The following USH2A variants were observed in gnomAD, a reference collection of about 807,000 sequenced individuals.
USH2A encodes Usher syndrome 2A (autosomal recessive, mild).
A neutral mutation model predicts 538.9 loss-of-function variants in USH2A; 443 were observed. That is an observed-to-expected ratio of 0.82 (90% CI 0.76 to 0.89). USH2A has a LOEUF of 0.89. USH2A is among the 40% of genes least tolerant of loss of function. The pLI is 0.00. For synonymous variants in USH2A, 2,413 were observed against 2,273.5 expected, an observed-to-expected ratio of 1.06 and a Z score of -1.75; for missense variants, 6,633 against 6,324.8, an observed-to-expected ratio of 1.05 and a Z score of -1.65.
At chr1:216,186,613 T>C (rs1487984270) in intron 20 of USH2A, among the ~76,000 whole-genome samples, 1 of 151,950 alleles carries the variant, frequency 6.6e-6, no homozygotes, top group African/African-American at 2.4e-5. Flanking sequence ...CCTATAGCAT[T>C]AGCTCCCATC....
chr1:216,025,691 T>C (rs1212925391), intron 32 of USH2A, among the ~76,000 whole-genome samples: 3 of 152,100 alleles, frequency 2.0e-5, no homozygotes. Flanking sequence ...GTATGTGCCT[T>C]TATAGAAACC....
intron 21 of USH2A, among the ~76,000 whole-genome samples, chr1:216,158,391 G>A (rs1022818449): frequency 6.6e-6 from 1 of 151,920 alleles, no homozygotes; most frequent in Non-Finnish European, 1.5e-5. Context: ...GCCTCACCAT[G>A]CCCAGCTAAT....
intron 60 of USH2A, among the ~76,000 whole-genome samples, chr1:215,733,212 C>G (rs373224914): frequency 8.0e-6 from 1 of 124,552 alleles, no homozygotes; most frequent in Non-Finnish European, 1.6e-5. Context: ...GGGCGGGGGG[C>G]GGGTGGAGTC....
rs749991441 is a variant in USH2A at position 216,073,156 on chromosome 1, A to G, written c.5717T>C (p.Ile1906Thr). 3.1e-6 allele frequency: 5 copies of G among 1,613,916 alleles called. No homozygotes were observed. The highest frequency in any genetic ancestry group is 1.7e-6 in the Non-Finnish European group (2 of 1,179,960). The change falls in exon 28 of 72, where the codon ATC becomes ACC. Residue 1906 changes from isoleucine to threonine, a missense_variant. Physicochemically the swap from Ile to Thr is moderately conservative, Grantham distance 89 (BLOSUM62 -1). Coordinates refer to ENST00000307340, the MANE Select transcript of USH2A (RefSeq NM_206933.4). ...SAVNCRGNDS[I>T]LVYQGKEQSV... Reference sequence around the variant, plus strand: ...CTGCTCTTTTCCCTGGTAAACCAGGATGGAGTCATTTCCCCTGCAGTTAAC... The same window carrying G: ...CTGCTCTTTTCCCTGGTAAACCAGGGTGGAGTCATTTCCCCTGCAGTTAAC...
chr1:216,143,877 T>C (rs949033524), intron 21 of USH2A, among the ~76,000 whole-genome samples: 1 of 152,200 alleles, frequency 6.6e-6, no homozygotes, highest in African/African-American at 2.4e-5. Flanking sequence ...GGTCAGTGAC[T>C]ACAATGCAAG....
Position 215,652,517 on chromosome 1 carries a change from C to T in USH2A, c.14134-1716G>A, listed in dbSNP as rs569066703. On this transcript the variant is annotated intron_variant, in intron 64 of 71. Coordinates refer to ENST00000307340, the MANE Select transcript of USH2A (RefSeq NM_206933.4). ...AGCTAGCAATGGGAGAGCCAGATTT[C>T]ATGGAAGTTAGAGTCCATCCATCAG... Among the ~76,000 whole-genome samples the T allele has an allele frequency of 1.8e-4, 28 of 152,260 alleles. 1 individual carries two copies. The South Asian group carries it at 5.8e-3, about 32-fold the overall frequency.
intron 9 of USH2A, among the ~76,000 whole-genome samples, chr1:216,312,289 T>C (rs990733487): frequency 6.6e-6 from 1 of 152,130 alleles, no homozygotes; most frequent in African/African-American, 2.4e-5. Context: ...ATGTTCCCCC[T>C]TCAGCCAGGC....
chr1:216,042,479 A>T (rs982640173), intron 32 of USH2A, among the ~76,000 whole-genome samples: 3 of 152,046 alleles, frequency 2.0e-5, no homozygotes, highest in Non-Finnish European at 2.9e-5. Context: ...TGACACTATT[A>T]TTGAAATCAC....
chr1:216,273,152 A>C (rs548860225), intron 11 of USH2A, among the ~76,000 whole-genome samples: 5 of 152,260 alleles, frequency 3.3e-5, no homozygotes, highest in African/African-American at 9.6e-5. Context: ...AGGAGAAAGC[A>C]GATGATAGTA....
intron 32 of USH2A, among the ~76,000 whole-genome samples, chr1:216,006,895 TAA>T (rs1287970786): frequency 1.3e-5 from 2 of 152,200 alleles, no homozygotes. Context: ...AATTTTTATC[TAA>T]ATGCTTCTCA....
chr1:216,196,498 T>C, intron 19 of USH2A, 55 bp downstream of exon 19: 5 of 1,602,836 alleles, frequency 3.1e-6, no homozygotes, highest in Non-Finnish European at 3.4e-6. Context: ...TCAAAAAATG[T>C]CCAAATGAAG....
At chr1:216,398,110 A>C (rs2039245827) in intron 3 of USH2A, among the ~76,000 whole-genome samples, 1 of 152,218 alleles carries the variant, frequency 6.6e-6, no homozygotes, top group African/African-American at 2.4e-5. Context: ...AAATACAATA[A>C]GGAGCTTACA....
intron 37 of USH2A, among the ~76,000 whole-genome samples, chr1:215,951,445 A>C (rs1245524458): frequency 1.3e-5 from 2 of 152,088 alleles, no homozygotes; most frequent in African/African-American, 2.4e-5. Flanking sequence ...CTATTCTTTT[A>C]CATTTGCTGA....
At chr1:216,406,685 A>C in intron 3 of USH2A, among the ~76,000 whole-genome samples, 1 of 152,144 alleles carries the variant, frequency 6.6e-6, no homozygotes, top group East Asian at 1.9e-4. Flanking sequence ...TATAATGGTC[A>C]CTAGTTTTCT....
intron 21 of USH2A, among the ~76,000 whole-genome samples, chr1:216,097,863 T>G (rs935490894): frequency 4.6e-5 from 7 of 152,120 alleles, no homozygotes; most frequent in Non-Finnish European, 7.4e-5. Flanking sequence ...GAATGATGCC[T>G]TCTCCCTACC....
At chr1:215,764,380 AT>A (rs1661068265) in intron 56 of USH2A, among the ~76,000 whole-genome samples, 1 of 152,160 alleles carries the variant, frequency 6.6e-6, no homozygotes, top group East Asian at 1.9e-4. Flanking sequence ...ATTTTGCATG[AT>A]TTATCTCTAA....
At chr1:216,364,908 A>C in intron 4 of USH2A, 45 bp downstream of exon 4, 3 of 1,610,606 alleles carry the variant, frequency 1.9e-6, no homozygotes, top group Non-Finnish European at 8.5e-7. Context: ...TTTAAGAACA[A>C]TGTAATTGGA....
chr1:216,079,057 A>C (rs1016524034), intron 26 of USH2A: 1 of 152,146 alleles, frequency 6.6e-6, no homozygotes, highest in African/African-American at 2.4e-5. Flanking sequence ...TACCTAATAT[A>C]TTTTTACTTT....
In USH2A at chr1:216,372,564, C is replaced by A. The variant is rs573946899; in HGVS notation, c.652-7479G>T. On this transcript the variant is annotated intron_variant, in intron 3 of 71. Transcript: ENST00000307340. The stretch of plus-strand genomic sequence containing the variant: ...TCTTTAAAAATTTAACATAGGAATG[C>A]AAGTAGATTTTTTTTTGTCCTATCT... 2.6e-5 allele frequency among the ~76,000 whole-genome samples: 4 copies of A among 152,190 alleles called. No homozygotes were observed. The South Asian group carries it at 8.3e-4, about 32-fold the overall frequency.
Sources: allele counts gnomAD v4.1 joint callset (sites outside exome capture counted in the v4.1 genomes callset), GRCh38; gene constraint gnomAD v4.1.1; transcripts MANE v1.5; gene names NCBI Gene and HGNC (gene_info 2026-07-23, HGNC 2026-07-21).